PLA2G4C: variants seen among roughly 807,000 people sequenced by gnomAD.
The protein encoded by PLA2G4C is cytosolic phospholipase A2 gamma.
A neutral mutation model predicts 73.8 loss-of-function variants in PLA2G4C; 64 were observed. The observed-to-expected ratio is 0.87, with a 90% confidence interval of 0.71 to 1.07. The LOEUF (loss-of-function observed/expected upper bound fraction) is 1.07, where lower values mean the gene tolerates loss of function less well. Among genes scored for constraint, PLA2G4C ranks in the 50% least tolerant of loss-of-function variants. The probability of loss-of-function intolerance (pLI) is 0.00; values close to 1 mark genes in which losing one functional copy is unlikely to be tolerated. For synonymous variants in PLA2G4C, 254 were observed against 252.1 expected, an observed-to-expected ratio of 1.01 and a Z score of -0.07; for missense variants, 622 against 665.4, an observed-to-expected ratio of 0.93 and a Z score of 0.72.
At chr19:48,082,133 C>T (rs2030613572) in intron 10 of PLA2G4C, among the ~76,000 whole-genome samples, 3 of 151,762 alleles carry the variant, frequency 2.0e-5, no homozygotes, top group South Asian at 4.2e-4. Flanking sequence ...AAAACATACA[C>T]TGATGGGTGG....
rs570635333 is a variant in PLA2G4C at position 48,106,540 on chromosome 19, G to A, written c.-11C>T. On this transcript the variant is annotated 5_prime_UTR_variant, in exon 2 of 17. Transcript: ENST00000599921. ...GACTTACCTTCCCATGGTGCACTGC[G>A]GTCAGAAAATTCTCAGTCCTCCTGC... 27 of 1,612,804 alleles carry A rather than the reference G, an allele frequency of 1.7e-5. No homozygotes were observed. In the East Asian group the frequency reaches 2.2e-4, roughly 13 times the overall value.
At chr19:48,089,615 G>A (rs548186368) in intron 8 of PLA2G4C, among the ~76,000 whole-genome samples, 49 of 152,218 alleles carry the variant, frequency 3.2e-4, no homozygotes, top group Middle Eastern at 3.4e-3. Flanking sequence ...CATACATGAG[G>A]TCATTTAAAC....
intron 4 of PLA2G4C, among the ~76,000 whole-genome samples, chr19:48,100,285 G>T (rs748149034): frequency 6.6e-6 from 1 of 152,142 alleles, no homozygotes; most frequent in Non-Finnish European, 1.5e-5. Context: ...GGGAGGACGA[G>T]GCGGGAGGAT....
At chr19:48,050,345 A>G (rs1967678227) in intron 16 of PLA2G4C, among the ~76,000 whole-genome samples, 1 of 152,186 alleles carries the variant, frequency 6.6e-6, no homozygotes, top group South Asian at 2.1e-4. Flanking sequence ...TCTCTGGGGA[A>G]CATAGACTGG....
intron 16 of PLA2G4C, among the ~76,000 whole-genome samples, chr19:48,050,599 T>C (rs1049762520): frequency 3.3e-5 from 5 of 151,458 alleles, no homozygotes; most frequent in Non-Finnish European, 7.4e-5. Context: ...GTTGTGTCTG[T>C]GTCTTTGTGG....
Position 48,048,431 on chromosome 19 carries a change from G to A in PLA2G4C, c.1581-43C>T, listed in dbSNP as rs200585364. ...TTAGAAGTTACCACTGTGCTTTGTA[G>A]GCAGTGTTGCACACTGGATAAGATT... On this transcript the variant is annotated intron_variant, in intron 16 of 16. Coordinates refer to ENST00000599921, the MANE Select transcript of PLA2G4C (RefSeq NM_003706.3). The A allele has an allele frequency of 1.1e-4, 158 of 1,452,970 alleles. 1 individual carries two copies. The East Asian group carries it at 1.8e-3, about 17-fold the overall frequency. 90.0% of individuals were successfully genotyped at this position (1,452,970 alleles called of 1,614,324 possible).
At chr19:48,097,461 T>C (rs35734257) in intron 6 of PLA2G4C, among the ~76,000 whole-genome samples, 91,948 of 150,718 alleles carry the variant, frequency 0.61, 28,279 homozygotes, top group East Asian at 0.69. Flanking sequence ...ACTGTGTTAG[T>C]CAGGATGGTC....
At chr19:48,101,628 G>C (rs1006350141) in intron 4 of PLA2G4C, among the ~76,000 whole-genome samples, 1 of 150,022 alleles carries the variant, frequency 6.7e-6, no homozygotes, top group Admixed American at 6.6e-5. Flanking sequence ...AAACTCTGAA[G>C]TATGTTTGGA....
intron 10 of PLA2G4C, among the ~76,000 whole-genome samples, chr19:48,084,205 G>A (rs188106903): frequency 3.9e-4 from 59 of 151,966 alleles, no homozygotes; most frequent in Non-Finnish European, 4.6e-4. Context: ...GATCACAGGC[G>A]TGCACCACCA....
chr19:48,061,785 G>T, intron 14 of PLA2G4C: 2 of 557,758 alleles, frequency 3.6e-6, no homozygotes, highest in Non-Finnish European at 3.2e-6. Context: ...GGCCCGGGAA[G>T]GTCTGGGATG....
At chr19:48,060,639 A>G (rs1243698840) in intron 14 of PLA2G4C, among the ~76,000 whole-genome samples, 2 of 152,172 alleles carry the variant, frequency 1.3e-5, no homozygotes, top group Non-Finnish European at 2.9e-5. Flanking sequence ...GGGGTCATGC[A>G]GCAGAGATTT....
intron 6 of PLA2G4C, among the ~76,000 whole-genome samples, chr19:48,097,397 C>T (rs866327942): frequency 1.3e-5 from 2 of 150,194 alleles, no homozygotes; most frequent in Non-Finnish European, 3.0e-5. Flanking sequence ...GGACTACAGG[C>T]GCCCGCCGCC....
intron 12 of PLA2G4C, 48 bp downstream of exon 12, chr19:48,074,719 G>A: frequency 1.5e-6 from 2 of 1,293,492 alleles, no homozygotes; most frequent in Non-Finnish European, 2.3e-6. Flanking sequence ...GGGGGAGAAG[G>A]TTGGTGGCAC....
At chr19:48,099,521 T>C (rs2031785484) in intron 5 of PLA2G4C, 150 bp downstream of exon 5, 2 of 567,458 alleles carry the variant, frequency 3.5e-6, no homozygotes, top group South Asian at 2.4e-5. Context: ...TACTTTAGTT[T>C]TGAGGCATCA....
At chr19:48,105,730 T>C (rs2032142850) in intron 2 of PLA2G4C, among the ~76,000 whole-genome samples, 1 of 150,186 alleles carries the variant, frequency 6.7e-6, no homozygotes, top group Non-Finnish European at 1.5e-5. Flanking sequence ...GAGGGTGAGG[T>C]GGGTGGATCA....
At chr19:48,080,930 G>A (rs903344971) in intron 10 of PLA2G4C, among the ~76,000 whole-genome samples, 7 of 150,668 alleles carry the variant, frequency 4.6e-5, no homozygotes, top group South Asian at 2.1e-4. Context: ...AGGCTGAGGC[G>A]GGTGGATCAT....
intron 7 of PLA2G4C, among the ~76,000 whole-genome samples, chr19:48,090,872 G>T (rs1468187717): frequency 1.3e-5 from 2 of 152,150 alleles, no homozygotes; most frequent in East Asian, 3.9e-4. Flanking sequence ...AGGTATGGTG[G>T]CATGCAACTC....
chr19:48,094,925 T>C (rs1404288134), intron 7 of PLA2G4C, among the ~76,000 whole-genome samples: 2 of 152,086 alleles, frequency 1.3e-5, no homozygotes, highest in African/African-American at 4.8e-5. Flanking sequence ...TTCTCTGTCA[T>C]CCAGGCTGGA....
In PLA2G4C at chr19:48,053,055, T is replaced by C; in HGVS notation, c.1522A>G (p.Lys508Glu). Reference sequence around the variant, plus strand: ...TTCTTGTTTTCCCTGACATTCTTCTTGGCTAATGCCAAGAGTAGCACCACC... The same window carrying C: ...TTCTTGTTTTCCCTGACATTCTTCTCGGCTAATGCCAAGAGTAGCACCACC... Reference protein sequence around the residue: ...DVVVLLLALAKKNVRENKKKI... With the variant: ...DVVVLLLALAEKNVRENKKKI... Residue 508 changes from lysine (K) to glutamate (E), a missense_variant, in exon 16 of 17, where the codon AAG becomes GAG. Coordinates refer to ENST00000599921, the MANE Select transcript of PLA2G4C (RefSeq NM_003706.3). 6.2e-7 allele frequency: 1 copy of C among 1,613,724 alleles called. No individual in the cohort carries two copies. The highest frequency in any genetic ancestry group is 8.5e-7 in the Non-Finnish European group (1 of 1,179,664).
Sources: gnomAD v4.1 joint callset for allele counts (sites outside exome capture counted in the v4.1 genomes callset) on GRCh38, gnomAD v4.1.1 for gene constraint, MANE v1.5 for transcripts, NCBI Gene and HGNC (gene_info 2026-07-23, HGNC 2026-07-21) for gene names.